GLB1L3: variants seen among roughly 807,000 people sequenced by gnomAD.
The protein encoded by GLB1L3 is galactosidase beta 1 like 3, also known as beta-galactosidase-1-like protein 3.
A neutral mutation model predicts 89.5 loss-of-function variants in GLB1L3; 89 were observed. The observed-to-expected ratio is 0.99, with a 90% CI of 0.84 to 1.19. The LOEUF is 1.19. Among genes scored for constraint, GLB1L3 ranks in the 50% most tolerant of loss-of-function variants. The pLI, the probability that GLB1L3 is intolerant of heterozygous loss-of-function variation, is 0.00. For synonymous variants in GLB1L3, 314 were observed against 312.3 expected, an observed-to-expected ratio of 1.01 and a Z score of -0.06; for missense variants, 812 against 813.3, an observed-to-expected ratio of 1.00 and a Z score of 0.02.
chr11:134,279,711 T>C (rs1407713300), intron 3 of GLB1L3, among the ~76,000 whole-genome samples: 1 of 152,098 alleles, frequency 6.6e-6, no homozygotes, highest in Non-Finnish European at 1.5e-5. Flanking sequence ...ATTTTTCCTT[T>C]CTTTCCTGTA....
chr11:134,291,658 C>T (rs1285686552), intron 7 of GLB1L3, among the ~76,000 whole-genome samples: 1 of 152,168 alleles, frequency 6.6e-6, no homozygotes, highest in Non-Finnish European at 1.5e-5. Context: ...TGCCTGTGCA[C>T]GTTCAGTACA....
chr11:134,286,543 G>A (rs939746622), intron 6 of GLB1L3, among the ~76,000 whole-genome samples: 4 of 151,836 alleles, frequency 2.6e-5, no homozygotes, highest in East Asian at 1.9e-4. Flanking sequence ...TTGGGAGGCT[G>A]AGGCGGGTGG....
intron 13 of GLB1L3, 96 bp from the exon 14 acceptor site, chr11:134,312,253 G>A (rs768633281): frequency 6.6e-5 from 91 of 1,379,024 alleles, no homozygotes; most frequent in Admixed American, 4.7e-4. Context: ...AAGAACCCTT[G>A]GGGACCATTA....
At chr11:134,303,756 C>T (rs1378090812) in intron 9 of GLB1L3, among the ~76,000 whole-genome samples, 1 of 152,000 alleles carries the variant, frequency 6.6e-6, no homozygotes, top group African/African-American at 2.4e-5. Flanking sequence ...TATCTTTTTG[C>T]TTTTTATTAT....
In GLB1L3 at chr11:134,309,849, A is replaced by G. The variant is rs967414127; in HGVS notation, c.1099+86A>G. 2.7e-6 allele frequency: 4 copies of G among 1,463,344 alleles called. No individual in the cohort carries two copies. The African/African-American group carries it at 4.2e-5, about 15-fold the overall frequency. The allele number at this position is 1,463,344 out of a possible 1,614,324, so 90.6% of individuals were successfully genotyped here. A position where few individuals can be genotyped will look rare whatever the true frequency, so the allele number is the denominator to read the frequency against. The stretch of plus-strand genomic sequence containing the variant: ...GGCTCCGGAAGCCTGTTCTGGCACC[A>G]CTGGGTTCTTGACCTATAATCTATG... On this transcript the variant is annotated intron_variant, in intron 11 of 19. Coordinates refer to ENST00000431683, the MANE Select transcript of GLB1L3 (RefSeq NM_001080407.3).
intron 9 of GLB1L3, among the ~76,000 whole-genome samples, chr11:134,301,437 T>G (rs948491120): frequency 6.6e-6 from 1 of 152,298 alleles, no homozygotes; most frequent in Non-Finnish European, 1.5e-5. Flanking sequence ...GCACACTATC[T>G]TCTTGTTTTT....
chr11:134,316,218 T>C (rs1395999204), intron 18 of GLB1L3, among the ~76,000 whole-genome samples: 1 of 151,976 alleles, frequency 6.6e-6, no homozygotes, highest in African/African-American at 2.4e-5. Flanking sequence ...TTTTTTTTTT[T>C]ACACGTAGAA....
In GLB1L3 at chr11:134,314,312, G is replaced by C. The variant is rs952642656; in HGVS notation, c.1668-18G>C. On this transcript the variant is annotated intron_variant, in intron 17 of 19. Coordinates refer to ENST00000431683, the MANE Select transcript of GLB1L3 (RefSeq NM_001080407.3). ...GGAAGGGGACTTCTTCTCCCCCATGGCTTGGCCTTTCTTCCAGGCTCCGCT... is the reference window on the plus strand; with the variant it reads ...GGAAGGGGACTTCTTCTCCCCCATGCCTTGGCCTTTCTTCCAGGCTCCGCT... 1 of 1,521,268 alleles carries C rather than the reference G, an allele frequency of 6.6e-7. No individual in the cohort carries two copies. The highest frequency in any genetic ancestry group is 8.9e-7 in the Non-Finnish European group (1 of 1,125,376). 94.2% of individuals were successfully genotyped at this position (1,521,268 alleles called of 1,614,324 possible). A position where few individuals can be genotyped will look rare whatever the true frequency, so the allele number is the denominator to read the frequency against.
intron 9 of GLB1L3, among the ~76,000 whole-genome samples, chr11:134,302,234 A>G (rs1427130805): frequency 2.0e-5 from 3 of 152,216 alleles, no homozygotes; most frequent in Non-Finnish European, 4.4e-5. Flanking sequence ...GTAGAATACA[A>G]GCTGTGCTTA....
Position 134,276,686 on chromosome 11 carries a change from C to T in GLB1L3, c.-55C>T, listed in dbSNP as rs1156887584. On this transcript the variant is annotated 5_prime_UTR_variant, in exon 1 of 20. Coordinates refer to ENST00000431683, the MANE Select transcript of GLB1L3 (RefSeq NM_001080407.3). ...TCCCGGCCCGAGCGCGGCGTCGGGGCCAGCGGAGAGGGGCGGAAGCCGCAA... is the reference window on the plus strand; with the variant it reads ...TCCCGGCCCGAGCGCGGCGTCGGGGTCAGCGGAGAGGGGCGGAAGCCGCAA... 7.2e-7 allele frequency: 1 copy of T among 1,391,190 alleles called. No homozygotes were observed. Among genetic ancestry groups the T allele is most frequent in the Non-Finnish European group, 9.3e-7 (1 of 1,070,376 alleles). The allele number at this position is 1,391,190 out of a possible 1,614,324, so 86.2% of individuals were successfully genotyped here.
chr11:134,278,845 G>A (rs2136103918), intron 3 of GLB1L3, among the ~76,000 whole-genome samples: 1 of 152,324 alleles, frequency 6.6e-6, no homozygotes. Flanking sequence ...GCTACTGCAT[G>A]TATTGGGGGG....
chr11:134,305,049 C>T, intron 9 of GLB1L3: 2 of 1,532,408 alleles, frequency 1.3e-6, no homozygotes, highest in Non-Finnish European at 1.8e-6. Flanking sequence ...CTTAGTGGCA[C>T]AATGCTGTAG....
At chr11:134,312,511 T>C in intron 14 of GLB1L3, 22 bp downstream of exon 14, 1 of 1,607,292 alleles carries the variant, frequency 6.2e-7, no homozygotes, top group Non-Finnish European at 8.5e-7. Context: ...AGGCTGTCTG[T>C]GTGGGAAGCA....
chr11:134,284,765 A>T (rs116308735), intron 6 of GLB1L3, among the ~76,000 whole-genome samples: 3 of 151,856 alleles, frequency 2.0e-5, no homozygotes, highest in Non-Finnish European at 4.4e-5. Context: ...AAACTCGGGA[A>T]TTCATATCCT....
chr11:134,279,996 T>C (rs1940600851), intron 3 of GLB1L3, among the ~76,000 whole-genome samples: 1 of 152,078 alleles, frequency 6.6e-6, no homozygotes, highest in African/African-American at 2.4e-5. Flanking sequence ...TTACTTCCAG[T>C]CTTTTGTGTT....
At chr11:134,292,340 C>G in intron 8 of GLB1L3, 127 bp downstream of exon 8, 2 of 646,280 alleles carry the variant, frequency 3.1e-6, no homozygotes, top group South Asian at 3.9e-5. Flanking sequence ...TGGGATGGAT[C>G]CTGGAGTTCG....
Position 134,277,324 on chromosome 11 carries a change from A to T in GLB1L3, c.24-2A>T. ...TGTCACTGTTGTCCTTTCTCCTTTCAGCCCGTGTCTCTCCTGGAAGAGAAT... is the reference window on the plus strand; with the variant it reads ...TGTCACTGTTGTCCTTTCTCCTTTCTGCCCGTGTCTCTCCTGGAAGAGAAT... On this transcript the variant is annotated splice_acceptor_variant, in intron 1 of 19. Coordinates refer to ENST00000431683, the MANE Select transcript of GLB1L3 (RefSeq NM_001080407.3). LOFTEE classifies it high-confidence loss of function. 6.2e-7 allele frequency: 1 copy of T among 1,613,850 alleles called. No individual in the cohort carries two copies. The highest frequency in any genetic ancestry group is 2.2e-5 in the East Asian group (1 of 44,838).
rs368264380 is a variant in GLB1L3 at position 134,308,256 on chromosome 11, C to T, written c.961+1048C>T. 7.0e-4 allele frequency among the ~76,000 whole-genome samples: 25 copies of T among 35,952 alleles called. 1 individual carries two copies. The highest frequency in any genetic ancestry group is 1.4e-3 in the African/African-American group (9 of 6,618). 23.6% of individuals were successfully genotyped at this position (35,952 alleles called of 152,430 possible). On this transcript the variant is annotated intron_variant, in intron 10 of 19. Coordinates refer to ENST00000431683, the MANE Select transcript of GLB1L3 (RefSeq NM_001080407.3). ...ACCACCATCACCATCACCACCATCA[C>T]CACCACCACCACCACCACCACCACC... is the stretch of plus-strand genomic sequence containing the variant.
downstream of GLB1L3, among the ~76,000 whole-genome samples, chr11:134,320,356 T>C (rs1403720247): frequency 6.6e-6 from 1 of 152,192 alleles, no homozygotes; most frequent in Non-Finnish European, 1.5e-5. Flanking sequence ...CATAAAACTT[T>C]ATTCTCTGGG....
Sources: gnomAD v4.1 joint callset for allele counts (sites outside exome capture counted in the v4.1 genomes callset) on GRCh38, gnomAD v4.1.1 for gene constraint, MANE v1.5 for transcripts, NCBI Gene and HGNC (gene_info 2026-07-23, HGNC 2026-07-21) for gene names.